The following SIN3B variants were observed in gnomAD, a reference collection of about 807,000 sequenced individuals.
SIN3B encodes the protein SIN3 transcription regulator family member B.
In SIN3B, 19 loss-of-function variants were observed where a neutral mutation model predicts 120.2. The ratio of observed to expected loss-of-function variants is 0.16; its 90% CI spans 0.11 to 0.23. The LOEUF is 0.23. Among genes scored for constraint, SIN3B ranks in the 10% least tolerant of loss-of-function variants. The probability of loss-of-function intolerance (pLI) is 1.00; values close to 1 mark genes in which losing one functional copy is unlikely to be tolerated. For synonymous variants in SIN3B, 654 were observed against 653.2 expected (o/e 1.00, Z -0.02); for missense variants, 1,073 against 1,573.0 (o/e 0.68, Z 5.38).
chr19:16,862,930 G>T lies in SIN3B; in HGVS notation c.1266+371G>T. The stretch of plus-strand genomic sequence containing the variant: ...CAGGGTTCGTGGACAGACGATTACT[G>T]CATGTCCAAGTTCAAGAATACCTGC... On this transcript the variant is annotated intron_variant, in intron 9 of 18. Transcript: ENST00000248054. This position sits in a 1 kb window ranked among gnomAD's most constrained non-coding sequence, Gnocchi z 4.7. The T allele has an allele frequency of 1.2e-6, 2 of 1,614,248 alleles. No individual in the cohort carries two copies. Among genetic ancestry groups the T allele is most frequent in the East Asian group, 4.5e-5 (2 of 44,886 alleles).
intron 8 of SIN3B, among the ~76,000 whole-genome samples, chr19:16,860,113 C>T (rs1406597269): frequency 3.3e-5 from 5 of 152,214 alleles, no homozygotes; most frequent in East Asian, 3.9e-4. Flanking sequence ...TGGGGAAGGG[C>T]GTTTGGGGAA....
At chr19:16,831,696 C>G (rs756348729) in intron 3 of SIN3B, 49 bp downstream of exon 3, 1 of 1,585,050 alleles carries the variant, frequency 6.3e-7, no homozygotes, top group Admixed American at 1.7e-5. Context: ...CCGAGTATGT[C>G]TTGCTACTCA....
intron 8 of SIN3B, among the ~76,000 whole-genome samples, chr19:16,859,126 G>A (rs1971654519): frequency 6.6e-6 from 1 of 152,078 alleles, no homozygotes; most frequent in South Asian, 2.1e-4. Flanking sequence ...ACTCAGCCTG[G>A]GTAACAGAGT....
chr19:16,832,553 T>C (rs1305021960), intron 3 of SIN3B, among the ~76,000 whole-genome samples: 1 of 148,764 alleles, frequency 6.7e-6, no homozygotes, highest in Non-Finnish European at 1.5e-5. Flanking sequence ...CAGGCTGGAG[T>C]GCAGTGGTGC....
chr19:16,875,355 TGTTTGGTCTGGTCTG>T (rs1388018469), intron 14 of SIN3B, among the ~76,000 whole-genome samples: 26 of 143,238 alleles, frequency 1.8e-4, no homozygotes, highest in African/African-American at 6.4e-4. Flanking sequence ...TGGTCTGGTC[TGTTTGGTCTGGTCTG>T]GTTTGGTCTG....
At position 16,858,132 on chromosome 19, in the gene SIN3B, C is replaced by G. The variant is rs773883; in HGVS notation, c.1058+3871C>G. On this transcript the variant is annotated intron_variant, in intron 8 of 18. Coordinates refer to ENST00000248054, the MANE Select transcript of SIN3B (RefSeq NM_001297595.2). ...CCTCAAGTGATCCGCCTGCCTCAGC[C>G]TCTCAAAATGCTGGGATTGCAAGTG... Among the ~76,000 whole-genome samples, 1,123 of 152,306 alleles carry G rather than the reference C, an allele frequency of 7.4e-3. 14 individuals are homozygous for G. Among genetic ancestry groups the G allele is most frequent in the African/African-American group, 0.026 (1,064 of 41,572 alleles).
intron 8 of SIN3B, among the ~76,000 whole-genome samples, chr19:16,861,806 A>G (rs966897748): frequency 6.6e-6 from 1 of 151,704 alleles, no homozygotes; most frequent in African/African-American, 2.4e-5. Flanking sequence ...GTGGTGGCAC[A>G]TGCCTGTGGT....
chr19:16,847,772 C>T (rs899993156), intron 5 of SIN3B, among the ~76,000 whole-genome samples: 6 of 152,158 alleles, frequency 3.9e-5, no homozygotes, highest in Non-Finnish European at 8.8e-5. Flanking sequence ...TATGTAACAT[C>T]GAATTCACCA....
At chr19:16,842,224 G>A (rs904756223) in intron 4 of SIN3B, among the ~76,000 whole-genome samples, 2 of 149,260 alleles carry the variant, frequency 1.3e-5, no homozygotes, top group African/African-American at 5.0e-5. Context: ...AGTAGCGGAG[G>A]CTACTTGGGG....
In SIN3B at chr19:16,829,426, G is replaced by T; in HGVS notation, c.6G>T (p.Ala2=). The part of the protein sequence containing the change: M[A]HAGGGSGGSG... ...GCGCAGCTCCGACTTCGGACATGGC[G>T]CACGCTGGCGGTGGCAGCGGTGGCA... Residue 2 remains alanine (A), a synonymous_variant, in exon 1 of 19, where the codon GCG becomes GCT. Coordinates refer to ENST00000248054, the MANE Select transcript of SIN3B (RefSeq NM_001297595.2). 3.3e-6 allele frequency: 4 copies of T among 1,205,856 alleles called. No individual in the cohort carries two copies. The South Asian group carries it at 1.7e-4, about 50-fold the overall frequency. 74.7% of individuals were successfully genotyped at this position (1,205,856 alleles called of 1,614,324 possible).
Position 16,869,990 on chromosome 19 carries a change from C to T in SIN3B, c.2337C>T (p.Thr779=), listed in dbSNP as rs61761940. 1.2e-4 allele frequency: 187 copies of T among 1,613,820 alleles called. No individual in the cohort carries two copies. Among genetic ancestry groups the T allele is most frequent in the Non-Finnish European group, 1.5e-4 (172 of 1,180,020 alleles). The part of the protein sequence containing the change: ...QAQKQLLEYR[T]EKEREKLLCE... ...AGAAGCAGCTTCTGGAGTATCGGACCGAGAAGGAGCGGGAGAAGCTGCTGT... is the reference window on the plus strand; with the variant it reads ...AGAAGCAGCTTCTGGAGTATCGGACTGAGAAGGAGCGGGAGAAGCTGCTGT... The change falls in exon 13 of 19, where the codon ACC becomes ACT. Residue 779 remains threonine (T), a synonymous_variant. Coordinates refer to ENST00000248054, the MANE Select transcript of SIN3B (RefSeq NM_001297595.2).
At position 16,876,359 on chromosome 19, in the gene SIN3B, T is replaced by C; in HGVS notation, c.2767-127T>C. On this transcript the variant is annotated intron_variant, in intron 15 of 18. Transcript: ENST00000248054. This position sits in a 1 kb window ranked among gnomAD's most constrained non-coding sequence, Gnocchi z 7.1. Reference sequence around the variant, plus strand: ...CTGCTGCAGAGCCCATGAGGTACCTTTGACCTGCAGGAAGCATCAGGGCTT... The same window carrying C: ...CTGCTGCAGAGCCCATGAGGTACCTCTGACCTGCAGGAAGCATCAGGGCTT... 8 of 1,386,632 alleles carry C rather than the reference T, an allele frequency of 5.8e-6. No individual in the cohort carries two copies. The highest frequency in any genetic ancestry group is 7.9e-6 in the Non-Finnish European group (8 of 1,012,600). 85.9% of individuals were successfully genotyped at this position (1,386,632 alleles called of 1,614,324 possible).
intron 14 of SIN3B, among the ~76,000 whole-genome samples, chr19:16,875,610 T>G (rs1205805922): frequency 2.0e-5 from 3 of 147,222 alleles, no homozygotes. Context: ...GGTCTGGTTT[T>G]GGTCTGGTTT....
intron 5 of SIN3B, among the ~76,000 whole-genome samples, chr19:16,850,507 G>T (rs938383370): frequency 6.6e-6 from 1 of 152,112 alleles, no homozygotes. Flanking sequence ...CCCAGAGCCA[G>T]CCCATAGTAT....
intron 8 of SIN3B, among the ~76,000 whole-genome samples, chr19:16,860,100 G>A (rs1054793650): frequency 2.6e-5 from 4 of 152,200 alleles, no homozygotes; most frequent in African/African-American, 7.2e-5. Context: ...GTAGAGACTC[G>A]TATGGGGAAG....
chr19:16,850,646 G>A (rs1320283878), intron 5 of SIN3B, among the ~76,000 whole-genome samples: 1 of 152,166 alleles, frequency 6.6e-6, no homozygotes, highest in African/African-American at 2.4e-5. Context: ...CGATGGAGGT[G>A]ACCGCAGTGG....
At chr19:16,870,299 G>C (rs2051493322) in intron 13 of SIN3B, among the ~76,000 whole-genome samples, 1 of 152,170 alleles carries the variant, frequency 6.6e-6, no homozygotes, top group Admixed American at 6.5e-5. Flanking sequence ...CCTGGGTGTA[G>C]CACCCTCTCC....
intron 11 of SIN3B, among the ~76,000 whole-genome samples, chr19:16,866,168 G>A (rs1036280901): frequency 1.3e-5 from 2 of 152,124 alleles, no homozygotes; most frequent in Non-Finnish European, 2.9e-5. Context: ...TGGAGGAACC[G>A]GGAAGCCGGC....
chr19:16,847,641 A>G (rs760627510), intron 5 of SIN3B, among the ~76,000 whole-genome samples: 17 of 152,104 alleles, frequency 1.1e-4, no homozygotes, highest in Admixed American at 7.2e-4. Context: ...CTCAGGGCTC[A>G]CCCTGCACAG....
Sources: gnomAD v4.1 joint callset for allele counts (sites outside exome capture counted in the v4.1 genomes callset) on GRCh38, gnomAD v4.1.1 for gene constraint, Gnocchi (gnomAD v3.1) non-coding constraint, MANE v1.5 for transcripts, NCBI Gene and HGNC (gene_info 2026-07-23, HGNC 2026-07-21) for gene names.